The following SLC7A5 variants were observed in gnomAD, a reference collection of about 807,000 sequenced individuals.
SLC7A5 encodes large neutral amino acids transporter small subunit 1.
A neutral mutation model predicts 50.2 loss-of-function variants in SLC7A5; 23 were observed. The observed-to-expected ratio is 0.46, with a 90% confidence interval of 0.33 to 0.65. The LOEUF (loss-of-function observed/expected upper bound fraction) is 0.65. SLC7A5 is among the 30% of genes least tolerant of loss of function. The probability of loss-of-function intolerance (pLI) is 0.02; values close to 1 mark genes in which losing one functional copy is unlikely to be tolerated. For missense variants in SLC7A5, 578 were observed against 684.4 expected (o/e 0.84, Z 1.73); for synonymous variants, 393 against 330.6 (o/e 1.19, Z -2.05).
In SLC7A5 at chr16:87,840,421, G is replaced by T; in HGVS notation, c.815+8C>A. 1 of 1,608,376 alleles carries T rather than the reference G, an allele frequency of 6.2e-7. No individual in the cohort carries two copies. Among genetic ancestry groups the T allele is most frequent in the Non-Finnish European group, 8.5e-7 (1 of 1,174,786 alleles). ...AAAAAAGACGGCTCCATCCATTCTT[G>T]CACGTACCTGTAGGGGTTGATCATT... On this transcript the variant is annotated splice_region_variant and intron_variant, in intron 4 of 9. Coordinates refer to ENST00000261622, the MANE Select transcript of SLC7A5 (RefSeq NM_003486.7).
intron 1 of SLC7A5, among the ~76,000 whole-genome samples, chr16:87,865,306 C>T (rs989849472): frequency 5.3e-5 from 8 of 152,292 alleles, no homozygotes; most frequent in South Asian, 2.1e-4. Flanking sequence ...CCCTAACTTT[C>T]GCTGAAAGGG....
At position 87,836,413 on chromosome 16, in the gene SLC7A5, G is replaced by A. The variant is rs2055003937; in HGVS notation, c.1290+85C>T. ...GCAGGTCCAGAGGCTGAGCTGGGAT[G>A]CTGGCTCCCAACTCAGGGTCCTTAG... On this transcript the variant is annotated intron_variant, in intron 8 of 9. Transcript: ENST00000261622. The A allele has an allele frequency of 4.0e-6, 6 of 1,486,184 alleles. No individual in the cohort carries two copies. The South Asian group carries it at 5.7e-5, about 14-fold the overall frequency. 92.1% of individuals were successfully genotyped at this position (1,486,184 alleles called of 1,614,324 possible).
At chr16:87,868,608 A>G (rs563208529) in intron 1 of SLC7A5, among the ~76,000 whole-genome samples, 2 of 152,312 alleles carry the variant, frequency 1.3e-5, no homozygotes, top group African/African-American at 4.8e-5. Context: ...ACTTGCCTAA[A>G]CCGCTTAAGT....
At chr16:87,859,457 G>A (rs1250708610) in intron 1 of SLC7A5, among the ~76,000 whole-genome samples, 1 of 152,170 alleles carries the variant, frequency 6.6e-6, no homozygotes, top group East Asian at 1.9e-4. Context: ...GCTGCAGTTT[G>A]AGCACGTACA....
At chr16:87,839,633 CGG>C in intron 5 of SLC7A5, 67 bp downstream of exon 5, 1 of 1,605,846 alleles carries the variant, frequency 6.2e-7, no homozygotes, top group Non-Finnish European at 8.5e-7. Context: ...GGCACCACTC[CGG>C]TCTGGAAGGG....
rs754912934 is a variant in SLC7A5, at chr16:87,839,708, C to T, written c.933G>A (p.Val311=). The part of the protein sequence containing the change: ...STEQMLSSEA[V]AVDFGNYHLG... ...CTGGCGGGTAGCGGCTCACCACGGC[C>T]ACGGCCTCGGACGACAGCATCTGCT... Residue 311 remains valine (V), a synonymous_variant, in exon 5 of 10, where the codon GTG becomes GTA. Transcript: ENST00000261622. 1 of 1,613,378 alleles carries T rather than the reference C, an allele frequency of 6.2e-7. No homozygotes were observed. Among genetic ancestry groups the T allele is most frequent in the South Asian group, 1.1e-5 (1 of 91,076 alleles).
Position 87,841,156 on chromosome 16 carries a change from C to G in SLC7A5, c.665-1G>C. 6.3e-7 allele frequency: 1 copy of G among 1,598,326 alleles called. No homozygotes were observed. Among genetic ancestry groups the G allele is most frequent in the African/African-American group, 1.3e-5 (1 of 74,624 alleles). ...TTGGGATCTAGATTGGACACATCAC[C>G]TGGCAGGGCCAAAGAAAGGAATGCT... On this transcript the variant is annotated splice_acceptor_variant, in intron 2 of 9. Coordinates refer to ENST00000261622, the MANE Select transcript of SLC7A5 (RefSeq NM_003486.7). LOFTEE classifies it high-confidence loss of function. The surrounding 1 kb of genome is among the most constrained non-coding windows in gnomAD (Gnocchi z 4.8).
Position 87,852,641 on chromosome 16 carries a change from T to TGTGTGTGTGTGTGC in SLC7A5, c.539-793_539-792insGCACACACACACAC, listed in dbSNP as rs1389961413. Among the ~76,000 whole-genome samples the TGTGTGTGTGTGTGC allele has an allele frequency of 6.4e-3, 467 of 73,072 alleles. 5 individuals carry two copies. Among genetic ancestry groups the TGTGTGTGTGTGTGC allele is most frequent in the Non-Finnish European group, 9.1e-3 (351 of 38,728 alleles). The allele number at this position is 73,072 out of a possible 152,430, so 47.9% of individuals were successfully genotyped here. ...TAAGGCACCCAGCTCTGAGCCTCTG[T>TGTGTGTGTGTGTGC]GTGTGTGTGTGTGTGTGTGTGTGTG... is the stretch of plus-strand genomic sequence containing the variant. On this transcript the variant is annotated intron_variant, in intron 1 of 9. Transcript: ENST00000261622. The surrounding 1 kb of genome is among the most constrained non-coding windows in gnomAD (Gnocchi z 4.5).
At chr16:87,840,405 G>A (rs777148816) in intron 4 of SLC7A5, 24 bp downstream of exon 4, 5 of 1,594,032 alleles carry the variant, frequency 3.1e-6, no homozygotes, top group South Asian at 2.2e-5. Flanking sequence ...GAAAAAAGAC[G>A]GCTCCATCCA....
chr16:87,864,496 G>C (rs1457809565), intron 1 of SLC7A5, among the ~76,000 whole-genome samples: 1 of 152,120 alleles, frequency 6.6e-6, no homozygotes, highest in South Asian at 2.1e-4. Context: ...CTCCCTTCCC[G>C]GGACATCCAC....
intron 2 of SLC7A5, among the ~76,000 whole-genome samples, chr16:87,847,063 C>T (rs9941150): frequency 0.12 from 18,805 of 152,248 alleles, 1,361 homozygotes; most frequent in South Asian, 0.26. Flanking sequence ...ATCTGGGGTT[C>T]GGAGAGCAGG....
intron 7 of SLC7A5, chr16:87,836,851 A>G: frequency 5.1e-6 from 2 of 394,264 alleles, no homozygotes; most frequent in Non-Finnish European, 1.0e-5. Flanking sequence ...AGGAGGGAAG[A>G]GGCGGGGAGG....
chr16:87,842,321 C>T (rs1307281512), intron 2 of SLC7A5, among the ~76,000 whole-genome samples: 2 of 152,224 alleles, frequency 1.3e-5, no homozygotes, highest in African/African-American at 2.4e-5. Context: ...TGTGTCCCAA[C>T]ATGTGGCCTT....
intron 1 of SLC7A5, among the ~76,000 whole-genome samples, chr16:87,854,494 C>A (rs573779376): frequency 1.3e-5 from 2 of 152,358 alleles, no homozygotes; most frequent in South Asian, 2.1e-4. Flanking sequence ...GGGGTTTGAA[C>A]CTCAGTCCCT....
Position 87,837,992 on chromosome 16 carries a change from C to T in SLC7A5, c.1044-51G>A, listed in dbSNP as rs33957777. 117 of 1,392,206 alleles carry T rather than the reference C, an allele frequency of 8.4e-5. No homozygotes were observed. In the East Asian group the frequency reaches 1.3e-3, roughly 16 times the overall value. The allele number at this position is 1,392,206 out of a possible 1,614,324, so 86.2% of individuals were successfully genotyped here. A position where few individuals can be genotyped will look rare whatever the true frequency, so the allele number is the denominator to read the frequency against. Reference sequence around the variant, plus strand: ...TCAGCCACCGCCCCACAACTCAGCACGTGGACAGGGGACACGCAGGCTGGG... The same window carrying T: ...TCAGCCACCGCCCCACAACTCAGCATGTGGACAGGGGACACGCAGGCTGGG... On this transcript the variant is annotated intron_variant, in intron 6 of 9. Coordinates refer to ENST00000261622, the MANE Select transcript of SLC7A5 (RefSeq NM_003486.7).
Position 87,862,037 on chromosome 16 carries a change from T to TG in SLC7A5, c.538+6847dup. The stretch of plus-strand genomic sequence containing the variant: ...GCCAGCTGAGCCAGGATCCCAGCTG[T>TG]GGGGGGTTGGGGGTGGAGGGGTGCA... On this transcript the variant is annotated intron_variant, in intron 1 of 9. Transcript: ENST00000261622. The surrounding 1 kb of genome is among the most constrained non-coding windows in gnomAD (Gnocchi z 5.3). 6.6e-6 allele frequency among the ~76,000 whole-genome samples: 1 copy of TG among 151,872 alleles called. No homozygotes were observed. Among genetic ancestry groups the TG allele is most frequent in the East Asian group, 1.9e-4 (1 of 5,180 alleles).
In SLC7A5 at chr16:87,868,890, C is replaced by G. The variant is rs2055496382; in HGVS notation, c.533G>C (p.Cys178Ser). Reference protein sequence around the residue: ...EEAAKLVACLCVLLLTAVNCY... With the variant: ...EEAAKLVACLSVLLLTAVNCY... ...GGCCCGCGCCCCGTACTCACGCACGCAGAGGCAGGCCACGAGCTTGGCTGC... is the reference window on the plus strand; with the variant it reads ...GGCCCGCGCCCCGTACTCACGCACGGAGAGGCAGGCCACGAGCTTGGCTGC... The change falls in exon 1 of 10, where the codon TGC (cysteine) becomes TCC (serine). Residue 178 changes from cysteine to serine, a missense_variant. Transcript: ENST00000261622. 6.2e-7 allele frequency: 1 copy of G among 1,606,564 alleles called. No individual in the cohort carries two copies. Among genetic ancestry groups the G allele is most frequent in the Non-Finnish European group, 8.5e-7 (1 of 1,177,430 alleles).
chr16:87,831,414 G>C lies in SLC7A5; in HGVS notation c.*1556C>G, dbSNP rs2054934118. 1 of 152,274 alleles carries C rather than the reference G, an allele frequency of 6.6e-6. No individual in the cohort carries two copies. Among genetic ancestry groups the C allele is most frequent in the Non-Finnish European group, 1.5e-5 (1 of 68,066 alleles). The allele number at this position is 152,274 out of a possible 1,614,324, so 9.4% of individuals were successfully genotyped here. ...GATGGTGAGGGGGTCCCGGTGCCCA[G>C]GCGGGGGCGGCAGGCTCCACTGGGC... On this transcript the variant is annotated 3_prime_UTR_variant, in exon 10 of 10. Coordinates refer to ENST00000261622, the MANE Select transcript of SLC7A5 (RefSeq NM_003486.7).
At chr16:87,867,527 T>C (rs1255877559) in intron 1 of SLC7A5, among the ~76,000 whole-genome samples, 12 of 151,906 alleles carry the variant, frequency 7.9e-5, no homozygotes, top group African/African-American at 2.4e-5. Context: ...CCTCGGGGCA[T>C]TCTCACATTT....
Sources: allele counts gnomAD v4.1 joint callset (sites outside exome capture counted in the v4.1 genomes callset), GRCh38; gene constraint gnomAD v4.1.1; non-coding constraint Gnocchi (gnomAD v3.1); transcripts MANE v1.5; gene names NCBI Gene and HGNC (gene_info 2026-07-23, HGNC 2026-07-21).